PDE4D: variants seen among roughly 807,000 people sequenced by gnomAD.
PDE4D encodes phosphodiesterase 4D.
A neutral mutation model predicts 87.4 loss-of-function variants in PDE4D; 24 were observed. The observed-to-expected ratio is 0.27, with a 90% CI of 0.20 to 0.39. The LOEUF is 0.39. Ranked by LOEUF, PDE4D falls within the 10% of genes least tolerant of loss-of-function variation. The pLI, the probability that PDE4D is intolerant of heterozygous loss-of-function variation, is 1.00. For missense variants in PDE4D, 714 were observed against 1,041.0 expected, an observed-to-expected ratio of 0.69 and a Z score of 4.32; for synonymous variants, 384 against 383.2, an observed-to-expected ratio of 1.00 and a Z score of -0.02.
At chr5:60,517,153 C>A (rs1750835658) in intron 1 of PDE4D, among the ~76,000 whole-genome samples, 1 of 152,240 alleles carries the variant, frequency 6.6e-6, no homozygotes, top group South Asian at 2.1e-4. Flanking sequence ...TATGCCCGTG[C>A]TCAGAGTACC....
chr5:59,134,727 G>C (rs1261174085), intron 5 of PDE4D, among the ~76,000 whole-genome samples: 5 of 152,286 alleles, frequency 3.3e-5, no homozygotes, highest in African/African-American at 1.2e-4. Context: ...CACAGTGGTA[G>C]CTCTGATTCA....
chr5:59,345,637 A>G (rs574039043), intron 1 of PDE4D, among the ~76,000 whole-genome samples: 2 of 152,188 alleles, frequency 1.3e-5, no homozygotes, highest in African/African-American at 4.8e-5. Context: ...TCAACTGCAT[A>G]AATAAAAGGC....
intron 5 of PDE4D, among the ~76,000 whole-genome samples, chr5:59,108,624 T>C (rs1772024289): frequency 6.6e-6 from 1 of 152,184 alleles, no homozygotes; most frequent in Non-Finnish European, 1.5e-5. Context: ...CCAGGTGCGG[T>C]GGCTCACGCC....
intron 1 of PDE4D, among the ~76,000 whole-genome samples, chr5:59,284,305 T>TA (rs1766438990): frequency 6.6e-6 from 1 of 152,158 alleles, no homozygotes; most frequent in Non-Finnish European, 1.5e-5. Flanking sequence ...TAGGAACTCC[T>TA]ACTGGAAAGG....
rs540210088 is a variant in PDE4D at position 60,304,621 on chromosome 5, C to T, written c.-89-118934G>A. Among the ~76,000 whole-genome samples, 5 of 134,314 alleles carry T rather than the reference C, an allele frequency of 3.7e-5. No individual in the cohort carries two copies. The South Asian group carries it at 7.1e-4, about 19-fold the overall frequency. The allele number at this position is 134,314 out of a possible 152,430, so 88.1% of individuals were successfully genotyped here. Reference sequence around the variant, plus strand: ...GATTGCGCCACTGCAGTCCGCAGTCCGGCCTGGGCGACAGAGCGAGACTCC... The same window carrying T: ...GATTGCGCCACTGCAGTCCGCAGTCTGGCCTGGGCGACAGAGCGAGACTCC... On this transcript the variant is annotated intron_variant, in intron 1 of 16. Transcript: ENST00000502484.
At chr5:59,049,778 G>T (rs542096221) in intron 5 of PDE4D, among the ~76,000 whole-genome samples, 1 of 152,294 alleles carries the variant, frequency 6.6e-6, no homozygotes, top group South Asian at 2.1e-4. Context: ...GTGAAGAAAA[G>T]AAAGCAATTA....
At chr5:60,283,083 T>C (rs898898321) in intron 1 of PDE4D, among the ~76,000 whole-genome samples, 7 of 152,168 alleles carry the variant, frequency 4.6e-5, no homozygotes, top group African/African-American at 1.7e-4. Context: ...CTACTTACTC[T>C]ACCAATTACT....
At chr5:60,222,481 T>C (rs921528698) in intron 1 of PDE4D, among the ~76,000 whole-genome samples, 1 of 152,174 alleles carries the variant, frequency 6.6e-6, no homozygotes, top group African/African-American at 2.4e-5. Context: ...ATTGTGCTAA[T>C]TTGTTATCCA....
chr5:59,975,263 C>G (rs963798357), intron 3 of PDE4D, among the ~76,000 whole-genome samples: 1 of 152,134 alleles, frequency 6.6e-6, no homozygotes, highest in Non-Finnish European at 1.5e-5. Flanking sequence ...TCACCTCATG[C>G]CCCGATCTCT....
At chr5:59,933,687 T>A (rs1756228117) in intron 3 of PDE4D, among the ~76,000 whole-genome samples, 1 of 152,080 alleles carries the variant, frequency 6.6e-6, no homozygotes, top group Admixed American at 6.6e-5. Context: ...TTGAACTCTC[T>A]TTTCTTCCAT....
intron 2 of PDE4D, among the ~76,000 whole-genome samples, chr5:59,206,919 T>C (rs997371208): frequency 2.6e-5 from 4 of 152,182 alleles, no homozygotes; most frequent in African/African-American, 7.2e-5. Flanking sequence ...ATAGTGGCTC[T>C]TGCCTGTAAT....
intron 1 of PDE4D, among the ~76,000 whole-genome samples, chr5:59,326,116 G>T (rs1230165504): frequency 6.6e-6 from 1 of 152,062 alleles, no homozygotes; most frequent in Non-Finnish European, 1.5e-5. Flanking sequence ...GGGGACTGTT[G>T]TGGGGTGGGA....
intron 1 of PDE4D, among the ~76,000 whole-genome samples, chr5:60,220,258 T>C (rs990239149): frequency 2.0e-5 from 3 of 152,092 alleles, no homozygotes; most frequent in African/African-American, 7.2e-5. Context: ...GACTCCAAGA[T>C]GATAAGAAAG....
intron 1 of PDE4D, among the ~76,000 whole-genome samples, chr5:60,362,536 C>T (rs565587546): frequency 6.6e-6 from 1 of 152,288 alleles, no homozygotes; most frequent in African/African-American, 2.4e-5. Flanking sequence ...TCCTGTCCAA[C>T]ATGTCTTAGG....
chr5:60,072,392 G>C (rs1228738891), intron 2 of PDE4D, among the ~76,000 whole-genome samples: 1 of 152,032 alleles, frequency 6.6e-6, no homozygotes, highest in Non-Finnish European at 1.5e-5. Context: ...GTTCCTTATA[G>C]ATGCTGGATA....
chr5:60,167,266 C>CTTTTTTTTT lies in PDE4D; in HGVS notation c.42+18282_42+18290dup, dbSNP rs142613050. Among the ~76,000 whole-genome samples, 3 of 86,474 alleles carry CTTTTTTTTT rather than the reference C, an allele frequency of 3.5e-5. 1 individual carries two copies. The highest frequency in any genetic ancestry group is 4.7e-5 in the African/African-American group (1 of 21,374). 56.7% of individuals were successfully genotyped at this position (86,474 alleles called of 152,430 possible). ...TTCCTCTCCTTGAACTGTGTATTTT[C>CTTTTTTTTT]TTTTTTTTTTTTTTTTTTTTTGAGA... is the stretch of plus-strand genomic sequence containing the variant. On this transcript the variant is annotated intron_variant, in intron 2 of 16. Transcript: ENST00000502484.
intron 1 of PDE4D, among the ~76,000 whole-genome samples, chr5:59,294,074 T>C: frequency 6.6e-6 from 1 of 152,188 alleles, no homozygotes; most frequent in East Asian, 1.9e-4. Context: ...GAATGTTTAG[T>C]TTACCCAGAT....
chr5:59,768,192 A>C (rs1763036783), intron 1 of PDE4D: 3 of 1,580,394 alleles, frequency 1.9e-6, no homozygotes, highest in Admixed American at 3.4e-5. Context: ...GCGCGAGAGC[A>C]GGACTCCCTG....
At chr5:60,249,900 A>C (rs1481374919) in intron 1 of PDE4D, among the ~76,000 whole-genome samples, 1 of 152,024 alleles carries the variant, frequency 6.6e-6, no homozygotes, top group Non-Finnish European at 1.5e-5. Flanking sequence ...GCCATAATTC[A>C]ATCTGATATT....
Sources: gnomAD v4.1 joint callset for allele counts (sites outside exome capture counted in the v4.1 genomes callset) on GRCh38, gnomAD v4.1.1 for gene constraint, MANE v1.5 for transcripts, NCBI Gene and HGNC (gene_info 2026-07-23, HGNC 2026-07-21) for gene names.